Variants in PCNX1 observed in about 807,000 individuals in gnomAD.
PCNX1 encodes pecanex 1, also known as pecanex-like protein 1.
PCNX1 carries 78 observed loss-of-function variants against 242.2 expected under a neutral mutation model. The observed-to-expected ratio is 0.32, with a 90% CI of 0.27 to 0.39. The LOEUF is 0.39. Among genes scored for constraint, PCNX1 ranks in the 10% least tolerant of loss-of-function variants. The pLI, the probability that PCNX1 is intolerant of heterozygous loss-of-function variation, is 1.00. For synonymous variants in PCNX1, 1,024 were observed against 1,032.9 expected (o/e 0.99, Z 0.17); for missense variants, 2,581 against 2,856.5 (o/e 0.90, Z 2.20).
rs1223639253 is a variant in PCNX1, at chr14:71,058,861, A to G, written c.4852+1137A>G. On this transcript the variant is annotated intron_variant, in intron 26 of 35. Coordinates refer to ENST00000304743, the MANE Select transcript of PCNX1 (RefSeq NM_014982.3). ...AAAATATCTTATTCTTGCCTTATGA[A>G]TATTTGTTTCTGCCTCTCCATCAGG... Among the ~76,000 whole-genome samples the G allele has an allele frequency of 7.2e-5, 11 of 152,092 alleles. No homozygotes were observed. The South Asian group carries it at 2.1e-3, about 29-fold the overall frequency.
chr14:71,092,714 G>C (rs897176962), intron 30 of PCNX1: 7 of 152,200 alleles, frequency 4.6e-5, no homozygotes, highest in African/African-American at 1.2e-4. Context: ...GGTAAGCTAA[G>C]TTTACTGTTT....
At chr14:71,036,877 G>A (rs936158976) in intron 19 of PCNX1, among the ~76,000 whole-genome samples, 11 of 152,046 alleles carry the variant, frequency 7.2e-5, no homozygotes, top group African/African-American at 2.4e-4. Flanking sequence ...ATTACCTTGG[G>A]CAGTATGGCC....
intron 28 of PCNX1, among the ~76,000 whole-genome samples, chr14:71,077,848 C>T (rs747790559): frequency 2.6e-5 from 4 of 152,148 alleles, no homozygotes; most frequent in Non-Finnish European, 4.4e-5. Flanking sequence ...GTAATGGGAA[C>T]AGTCATGTTA....
At chr14:71,080,029 G>A (rs924926038) in intron 28 of PCNX1, among the ~76,000 whole-genome samples, 10 of 152,008 alleles carry the variant, frequency 6.6e-5, no homozygotes, top group African/African-American at 1.7e-4. Flanking sequence ...TCTTTAATCC[G>A]TCTTGAGTTA....
intron 5 of PCNX1, among the ~76,000 whole-genome samples, chr14:70,974,635 T>C (rs535017552): frequency 6.6e-6 from 1 of 152,360 alleles, no homozygotes; most frequent in South Asian, 2.1e-4. Context: ...CATATTTGAC[T>C]CTATCCTTTA....
rs187386536 is a variant in PCNX1 at position 71,072,649 on chromosome 14, T to G, written c.4853-896T>G. Among the ~76,000 whole-genome samples, 121 of 152,340 alleles carry G rather than the reference T, an allele frequency of 7.9e-4. 5 individuals carry two copies. The South Asian group carries it at 0.025, about 31-fold the overall frequency. On this transcript the variant is annotated intron_variant, in intron 26 of 35. Coordinates refer to ENST00000304743, the MANE Select transcript of PCNX1 (RefSeq NM_014982.3). ...AATATTACTTTTAAAGAAAAAAAAT[T>G]ATTGTGCAGCCTGATTTCTGTACAG...
At chr14:71,109,706 T>TG in intron 35 of PCNX1, 89 bp from the exon 36 acceptor site, 10 of 1,562,126 alleles carry the variant, frequency 6.4e-6, no homozygotes, top group Non-Finnish European at 8.8e-6. Flanking sequence ...CAGACAAAAT[T>TG]GCTACTACTA....
chr14:71,085,635 G>T (rs17093729), intron 28 of PCNX1: 23,078 of 160,062 alleles, frequency 0.14, 2,042 homozygotes, highest in African/African-American at 0.24. Flanking sequence ...ATGCTCCTCA[G>T]ACAGGTCAAA....
chr14:70,931,431 A>G (rs886308903), intron 1 of PCNX1, among the ~76,000 whole-genome samples: 1 of 152,228 alleles, frequency 6.6e-6, no homozygotes, highest in African/African-American at 2.4e-5. Context: ...CAGCACTGCT[A>G]TTGTTACAAA....
In PCNX1 at chr14:71,105,355, C is replaced by A. The variant is rs200313956; in HGVS notation, c.6216C>A (p.Asn2072Lys). ...CAACTGCCAACAATCCCCACAGCAA[C>A]GTGACCCAGGGAAGCATTGGAAATC... ...NATTANNPHS[N>K]VTQGSIGNPG... The change falls in exon 33 of 36, where the codon AAC becomes AAA. Residue 2072 changes from asparagine to lysine, a missense_variant. Asn to Lys is a moderately conservative substitution (Grantham distance 94). Coordinates refer to ENST00000304743, the MANE Select transcript of PCNX1 (RefSeq NM_014982.3). 1 of 1,614,066 alleles carries A rather than the reference C, an allele frequency of 6.2e-7. No individual in the cohort carries two copies. Among genetic ancestry groups the A allele is most frequent in the Non-Finnish European group, 8.5e-7 (1 of 1,179,990 alleles).
chr14:70,921,875 C>A (rs1253221217), intron 1 of PCNX1, among the ~76,000 whole-genome samples: 1 of 152,112 alleles, frequency 6.6e-6, no homozygotes, highest in Non-Finnish European at 1.5e-5. Flanking sequence ...TGACACATCA[C>A]CCCCTAAATG....
intron 4 of PCNX1, 90 bp downstream of exon 4, chr14:70,968,333 T>C (rs1021932980): frequency 5.5e-6 from 4 of 725,440 alleles, no homozygotes; most frequent in Non-Finnish European, 9.1e-6. Context: ...TCAAATGTAA[T>C]GAAAAAAATC....
Position 70,995,747 on chromosome 14 carries a change from A to G in PCNX1, c.2451A>G (p.Gln817=). ...TLLIGSPLSL[Q]DGQQGQQSTA... Reference sequence around the variant, plus strand: ...AATCCATGTTTTTTCCTAGCCTTCAAGATGGTCAGCAAGGCCAGCAGTCCA... The same window carrying G: ...AATCCATGTTTTTTCCTAGCCTTCAGGATGGTCAGCAAGGCCAGCAGTCCA... Residue 817 remains glutamine (Q), a synonymous_variant, in exon 8 of 36, where the codon CAA becomes CAG. Transcript: ENST00000304743. The G allele has an allele frequency of 1.2e-6, 2 of 1,613,906 alleles. No individual in the cohort carries two copies. Among genetic ancestry groups the G allele is most frequent in the Non-Finnish European group, 1.7e-6 (2 of 1,179,856 alleles).
At chr14:71,108,561 G>T in intron 33 of PCNX1, 43 bp from the exon 34 acceptor site, 1 of 1,465,060 alleles carries the variant, frequency 6.8e-7, no homozygotes, top group South Asian at 1.3e-5. Context: ...TATTGTGTCT[G>T]AGTCATTCTA....
intron 13 of PCNX1, among the ~76,000 whole-genome samples, chr14:71,025,422 G>A (rs1429067378): frequency 1.3e-5 from 2 of 151,428 alleles, no homozygotes; most frequent in Non-Finnish European, 2.9e-5. Context: ...TTTTCTCTAT[G>A]GAGCCCCCCC....
chr14:70,984,765 C>T (rs139475148), intron 6 of PCNX1, among the ~76,000 whole-genome samples: 5 of 152,230 alleles, frequency 3.3e-5, no homozygotes, highest in African/African-American at 1.2e-4. Flanking sequence ...ATTTGGATAG[C>T]CATTACCTCC....
intron 26 of PCNX1, among the ~76,000 whole-genome samples, chr14:71,070,426 G>A (rs1019446525): frequency 6.6e-6 from 1 of 152,228 alleles, no homozygotes; most frequent in African/African-American, 2.4e-5. Flanking sequence ...GAATCCCTCT[G>A]TGGCAGCTAT....
At chr14:70,968,663 T>C (rs747344590) in intron 4 of PCNX1, among the ~76,000 whole-genome samples, 1 of 152,256 alleles carries the variant, frequency 6.6e-6, no homozygotes, top group Non-Finnish European at 1.5e-5. Flanking sequence ...GTTTTCACCC[T>C]ATAGTTTTTT....
At chr14:71,014,783 T>C (rs1487062231) in intron 11 of PCNX1, among the ~76,000 whole-genome samples, 1 of 152,000 alleles carries the variant, frequency 6.6e-6, no homozygotes, top group Non-Finnish European at 1.5e-5. Flanking sequence ...CAAAAGATTT[T>C]GAAGAAATAA....
Sources: gnomAD v4.1 joint callset for allele counts (sites outside exome capture counted in the v4.1 genomes callset) on GRCh38, gnomAD v4.1.1 for gene constraint, MANE v1.5 for transcripts, NCBI Gene and HGNC (gene_info 2026-07-23, HGNC 2026-07-21) for gene names.